The following PAM variants were observed in gnomAD, a reference collection of about 807,000 sequenced individuals.
PAM encodes peptidyl-glycine alpha-amidating monooxygenase.
A neutral mutation model predicts 122.1 loss-of-function variants in PAM; 72 were observed. That is an observed-to-expected ratio of 0.59 (90% CI 0.49 to 0.72). The LOEUF (loss-of-function observed/expected upper bound fraction) is 0.72, where lower values mean the gene tolerates loss of function less well. Among genes scored for constraint, PAM ranks in the 30% least tolerant of loss-of-function variants. The pLI, the probability that PAM is intolerant of heterozygous loss-of-function variation, is 0.00. For missense variants in PAM, 1,106 were observed against 1,183.7 expected (o/e 0.93, Z 0.96); for synonymous variants, 389 against 404.4 (o/e 0.96, Z 0.46).
chr5:103,011,182 T>C (rs1780495621), intron 21 of PAM, among the ~76,000 whole-genome samples: 2 of 152,210 alleles, frequency 1.3e-5, no homozygotes, highest in Admixed American at 1.3e-4. Context: ...GACTACCTGA[T>C]GGAGAGCCAC....
chr5:102,863,343 A>G (rs1323157395), intron 1 of PAM, among the ~76,000 whole-genome samples: 2 of 152,120 alleles, frequency 1.3e-5, no homozygotes, highest in Non-Finnish European at 2.9e-5. Flanking sequence ...CACCTCCCAC[A>G]GTGGAAACTC....
At chr5:102,806,131 G>A (rs527924625) in intron 1 of PAM, among the ~76,000 whole-genome samples, 1 of 152,274 alleles carries the variant, frequency 6.6e-6, no homozygotes, top group Non-Finnish European at 1.5e-5. Flanking sequence ...GTCGAAACAA[G>A]TGCTCCCTTT....
chr5:102,932,945 G>A lies in PAM; in HGVS notation c.526+6277G>A, dbSNP rs144610255. On this transcript the variant is annotated intron_variant, in intron 7 of 25. Coordinates refer to ENST00000438793, the MANE Select transcript of PAM (RefSeq NM_001177306.2). ...TTCTGTATTTTCTGTAGCTTCCTTT[G>A]TTGTCAAGCTACCATTGCAACTCAT... is the stretch of plus-strand genomic sequence containing the variant. 7.8e-3 allele frequency among the ~76,000 whole-genome samples: 1,186 copies of A among 152,146 alleles called. 21 individuals carry two copies. The highest frequency in any genetic ancestry group is 0.027 in the African/African-American group (1,106 of 41,512).
At chr5:102,861,709 A>T (rs1439371630) in intron 1 of PAM, among the ~76,000 whole-genome samples, 2 of 152,170 alleles carry the variant, frequency 1.3e-5, no homozygotes, top group Non-Finnish European at 2.9e-5. Flanking sequence ...AGTAGAACAT[A>T]TTTGTTTTTA....
At chr5:102,852,520 T>A (rs1323893141) in intron 1 of PAM, among the ~76,000 whole-genome samples, 3 of 152,172 alleles carry the variant, frequency 2.0e-5, no homozygotes, top group Non-Finnish European at 4.4e-5. Context: ...AAGTATGTTG[T>A]TTGCTTTATC....
rs538675587 is a variant in PAM at position 102,929,022 on chromosome 5, C to T, written c.526+2354C>T. On this transcript the variant is annotated intron_variant, in intron 7 of 25. Transcript: ENST00000438793. ...ACTATATAAAATTCATGTATGCTTA[C>T]CAGGATTGTCAAGCCCAAGAAAAAA... Among the ~76,000 whole-genome samples the T allele has an allele frequency of 8.3e-4, 126 of 151,984 alleles. 1 individual carries two copies. Among genetic ancestry groups the T allele is most frequent in the African/African-American group, 2.8e-3 (116 of 41,446 alleles).
intron 9 of PAM, 49 bp from the exon 10 acceptor site, chr5:102,949,488 C>T (rs764060537): frequency 9.9e-6 from 9 of 912,518 alleles, no homozygotes; most frequent in Non-Finnish European, 1.5e-5. Context: ...AGAATAATGT[C>T]ATTTTCCAGT....
In PAM at chr5:102,818,563, G is replaced by C. The variant is rs115821426; in HGVS notation, c.-373-47260G>C. Among the ~76,000 whole-genome samples, 848 of 152,248 alleles carry C rather than the reference G, an allele frequency of 5.6e-3. 11 individuals carry two copies. Among genetic ancestry groups the C allele is most frequent in the African/African-American group, 0.019 (794 of 41,558 alleles). On this transcript the variant is annotated intron_variant, in intron 1 of 25. Coordinates refer to ENST00000438793, the MANE Select transcript of PAM (RefSeq NM_001177306.2). ...ATAAGTAGGCATGAGGAAGCATTAT[G>C]AACTGTCATGTGTCTTTGCTCAGGA...
intron 21 of PAM, among the ~76,000 whole-genome samples, chr5:103,015,389 AC>A (rs1267377326): frequency 6.6e-6 from 1 of 152,156 alleles, no homozygotes; most frequent in Non-Finnish European, 1.5e-5. Context: ...AGGCTTTGTC[AC>A]CAGATGCCTG....
At chr5:102,804,083 T>C (rs192864177) in intron 1 of PAM, among the ~76,000 whole-genome samples, 261 of 152,138 alleles carry the variant, frequency 1.7e-3, no homozygotes, top group Non-Finnish European at 2.3e-3. Context: ...GAAGAAACAG[T>C]AAGAGCACAG....
Position 102,998,457 on chromosome 5 carries a change from C to T in PAM, c.1614-4576C>T, listed in dbSNP as rs562375118. ...ATTAGCTGTCAGTGGTGAGTCAGAA[C>T]TCACAATCTACATATAAAGTAGATA... On this transcript the variant is annotated intron_variant, in intron 16 of 25. Transcript: ENST00000438793. Among the ~76,000 whole-genome samples, 470 of 152,208 alleles carry T rather than the reference C, an allele frequency of 3.1e-3. 5 individuals carry two copies. The highest frequency in any genetic ancestry group is 0.014 in the South Asian group (66 of 4,820).
chr5:102,977,921 A>G (rs1244465864), intron 15 of PAM, among the ~76,000 whole-genome samples: 1 of 152,028 alleles, frequency 6.6e-6, no homozygotes, highest in African/African-American at 2.4e-5. Flanking sequence ...ATAATAGTAT[A>G]CTCCTCGCAG....
chr5:102,966,333 G>A (rs1764075756), intron 14 of PAM, among the ~76,000 whole-genome samples: 1 of 152,018 alleles, frequency 6.6e-6, no homozygotes, highest in African/African-American at 2.4e-5. Context: ...ACACAGTTAG[G>A]CTTTCCAATA....
chr5:102,969,078 G>T (rs1233589838), intron 14 of PAM, among the ~76,000 whole-genome samples: 1 of 151,838 alleles, frequency 6.6e-6, no homozygotes, highest in East Asian at 1.9e-4. Context: ...TCACACACCA[G>T]TGCCTGTCGG....
intron 14 of PAM, among the ~76,000 whole-genome samples, chr5:102,972,261 C>T (rs1766057229): frequency 6.6e-6 from 1 of 152,006 alleles, no homozygotes; most frequent in Admixed American, 6.6e-5. Context: ...ATAGCTTAAA[C>T]ATATGGATTC....
At chr5:103,006,697 G>T in intron 18 of PAM, 104 bp from the exon 19 acceptor site, 1 of 736,100 alleles carries the variant, frequency 1.4e-6, no homozygotes, top group Non-Finnish European at 2.4e-6. Flanking sequence ...ATAAGTCTCT[G>T]GGAGCTTCTA....
At chr5:103,020,834 C>G (rs1783341435) in intron 23 of PAM, among the ~76,000 whole-genome samples, 1 of 152,004 alleles carries the variant, frequency 6.6e-6, no homozygotes, top group Non-Finnish European at 1.5e-5. Context: ...GAAAATATAG[C>G]CAGCTCAAGG....
At chr5:103,005,776 A>G (rs956373506) in intron 18 of PAM, among the ~76,000 whole-genome samples, 8 of 152,238 alleles carry the variant, frequency 5.3e-5, no homozygotes, top group African/African-American at 1.7e-4. Context: ...TGCTAGGGAA[A>G]GCTAGTATGT....
intron 15 of PAM, among the ~76,000 whole-genome samples, chr5:102,984,568 G>A (rs900111095): frequency 1.2e-4 from 18 of 152,056 alleles, no homozygotes; most frequent in Non-Finnish European, 1.6e-4. Context: ...ATGCATATGC[G>A]TCACTGGTGC....
Sources: allele counts gnomAD v4.1 joint callset (sites outside exome capture counted in the v4.1 genomes callset), GRCh38; gene constraint gnomAD v4.1.1; transcripts MANE v1.5; gene names NCBI Gene and HGNC (gene_info 2026-07-23, HGNC 2026-07-21).